The following CLASP2 variants were observed in gnomAD, a reference collection of about 807,000 sequenced individuals.
The protein encoded by CLASP2 is cytoplasmic linker associated protein 2.
Under a neutral mutation model 194.4 loss-of-function variants are expected in CLASP2, and 47 were observed. The observed-to-expected ratio is 0.24, with a 90% CI of 0.19 to 0.31. The LOEUF (loss-of-function observed/expected upper bound fraction) is 0.31. CLASP2 is among the 10% of genes least tolerant of loss of function. The pLI, the probability that CLASP2 is intolerant of heterozygous loss-of-function variation, is 1.00. For missense variants in CLASP2, 1,445 were observed against 1,823.6 expected (o/e 0.79, Z 3.78); for synonymous variants, 619 against 633.5 (o/e 0.98, Z 0.34).
At chr3:33,536,897 C>T (rs567997674) in intron 33 of CLASP2, among the ~76,000 whole-genome samples, 2 of 152,192 alleles carry the variant, frequency 1.3e-5, no homozygotes, top group South Asian at 2.1e-4. Context: ...ACTAGGGTTG[C>T]CATTAACTAA....
At chr3:33,651,099 A>G (rs1189861717) in intron 7 of CLASP2, among the ~76,000 whole-genome samples, 1 of 152,130 alleles carries the variant, frequency 6.6e-6, no homozygotes, top group Non-Finnish European at 1.5e-5. Flanking sequence ...TGGCAAAAAC[A>G]TGGCTGGGCG....
intron 23 of CLASP2, among the ~76,000 whole-genome samples, chr3:33,580,164 T>A (rs990914738): frequency 2.0e-5 from 3 of 152,134 alleles, no homozygotes; most frequent in African/African-American, 7.2e-5. Flanking sequence ...CAAACAAGGG[T>A]TGGGCATATT....
intron 33 of CLASP2, among the ~76,000 whole-genome samples, 196 bp downstream of exon 33, chr3:33,538,593 T>C (rs765054799): frequency 7.9e-5 from 12 of 152,194 alleles, no homozygotes; most frequent in Admixed American, 1.3e-4. Context: ...TAAAAGGAAT[T>C]TGAAGGCAGT....
rs2045954958 is a variant in CLASP2, at chr3:33,497,561, G to C, written c.*1070C>G. The C allele has an allele frequency of 6.6e-6, 1 of 152,542 alleles. No individual in the cohort carries two copies. Among genetic ancestry groups the C allele is most frequent in the Non-Finnish European group, 1.5e-5 (1 of 68,020 alleles). The allele number at this position is 152,542 out of a possible 1,614,324, so 9.4% of individuals were successfully genotyped here. A position where few individuals can be genotyped will look rare whatever the true frequency, so the allele number is the denominator to read the frequency against. ...TTAGCCCTGAAGAGGTAGAGAATTT[G>C]AGCCCATTATACAAAGACAGCCTTG... On this transcript the variant is annotated 3_prime_UTR_variant, in exon 39 of 39. Transcript: ENST00000682230.
At chr3:33,683,931 C>CAAAAA (rs35349805) in intron 6 of CLASP2, among the ~76,000 whole-genome samples, 6 of 78,876 alleles carry the variant, frequency 7.6e-5, no homozygotes, top group Non-Finnish European at 1.2e-4. Context: ...GACTCTGTCT[C>CAAAAA]AAAAAAAAAA....
chr3:33,677,905 G>A (rs1161795932), intron 6 of CLASP2, among the ~76,000 whole-genome samples: 3 of 127,822 alleles, frequency 2.3e-5, no homozygotes, highest in East Asian at 4.4e-4. Flanking sequence ...GGTAAGAAGA[G>A]AGAAAGAAAT....
Position 33,708,561 on chromosome 3 carries a change from T to C in CLASP2, c.195+9247A>G, listed in dbSNP as rs374911286. 1.9e-3 allele frequency among the ~76,000 whole-genome samples: 239 copies of C among 126,760 alleles called. No homozygotes were observed. The Middle Eastern group carries it at 0.02, about 11-fold the overall frequency. The allele number at this position is 126,760 out of a possible 152,430, so 83.2% of individuals were successfully genotyped here. ...GTATATATGTATATATATATATATA[T>C]ACATACACACACACACACACCCCCC... is the stretch of plus-strand genomic sequence containing the variant. On this transcript the variant is annotated intron_variant, in intron 1 of 38. Transcript: ENST00000682230.
rs1266256940 is a variant in CLASP2, at chr3:33,619,757, A to G, written c.1182-19T>C. The G allele has an allele frequency of 2.6e-6, 4 of 1,555,034 alleles. No individual in the cohort carries two copies. Among genetic ancestry groups the G allele is most frequent in the Non-Finnish European group, 3.5e-6 (4 of 1,152,432 alleles). ...AAGGTGGCTACAAAGGAAGACAAAA[A>G]GTATTTTTTAATAGTTTAACATTAA... is the stretch of plus-strand genomic sequence containing the variant. On this transcript the variant is annotated intron_variant, in intron 11 of 38. Transcript: ENST00000682230.
chr3:33,659,423 C>A, intron 7 of CLASP2: 1 of 1,004,042 alleles, frequency 1.0e-6, no homozygotes, highest in Non-Finnish European at 1.2e-6. Context: ...CTAAAGATAT[C>A]CATGTAATCA....
At chr3:33,712,695 G>A (rs983985347) in intron 1 of CLASP2, among the ~76,000 whole-genome samples, 3 of 152,152 alleles carry the variant, frequency 2.0e-5, no homozygotes, top group African/African-American at 4.8e-5. Context: ...GGGCACGGTG[G>A]TTCACGCCTG....
chr3:33,507,711 T>C (rs1358814381), intron 37 of CLASP2, among the ~76,000 whole-genome samples: 1 of 152,066 alleles, frequency 6.6e-6, no homozygotes, highest in Non-Finnish European at 1.5e-5. Flanking sequence ...CTCCAACTCC[T>C]GGGCTTAAGC....
At chr3:33,717,454 T>C (rs2093349511) in intron 1 of CLASP2, among the ~76,000 whole-genome samples, 1 of 151,726 alleles carries the variant, frequency 6.6e-6, no homozygotes, top group African/African-American at 2.4e-5. Flanking sequence ...TGAGACAGAG[T>C]CTCACTCTGT....
At chr3:33,668,919 C>G (rs935719152) in intron 6 of CLASP2, among the ~76,000 whole-genome samples, 4 of 152,162 alleles carry the variant, frequency 2.6e-5, no homozygotes, top group African/African-American at 9.7e-5. Context: ...GTAAGAATGG[C>G]TAGGGGTAAT....
At chr3:33,643,799 C>G (rs2081785971) in intron 8 of CLASP2, among the ~76,000 whole-genome samples, 1 of 151,828 alleles carries the variant, frequency 6.6e-6, no homozygotes, top group Admixed American at 6.6e-5. Flanking sequence ...CCTTATGGAA[C>G]CTGGTCAAAA....
At chr3:33,570,537 T>C (rs2063537103) in intron 26 of CLASP2, among the ~76,000 whole-genome samples, 190 bp downstream of exon 26, 1 of 152,182 alleles carries the variant, frequency 6.6e-6, no homozygotes, top group Non-Finnish European at 1.5e-5. Context: ...CCATCTATCA[T>C]TGGAGAAGCT....
At chr3:33,635,902 T>C (rs568001590) in intron 8 of CLASP2, among the ~76,000 whole-genome samples, 43 of 151,850 alleles carry the variant, frequency 2.8e-4, no homozygotes, top group Admixed American at 5.2e-4. Context: ...CAAATAACAC[T>C]TCAAATTTCA....
intron 34 of CLASP2, among the ~76,000 whole-genome samples, chr3:33,528,489 T>C (rs2055231325): frequency 6.6e-6 from 1 of 152,102 alleles, no homozygotes; most frequent in Non-Finnish European, 1.5e-5. Flanking sequence ...AGGTCAGGCA[T>C]GGTGGCTCAC....
chr3:33,625,056 C>T (rs1167906005), intron 10 of CLASP2, among the ~76,000 whole-genome samples: 1 of 151,898 alleles, frequency 6.6e-6, no homozygotes, highest in African/African-American at 2.4e-5. Flanking sequence ...ATTTTAAAAT[C>T]TAACCTACAA....
intron 18 of CLASP2, among the ~76,000 whole-genome samples, chr3:33,598,368 C>G (rs1323409192): frequency 6.6e-6 from 1 of 152,102 alleles, no homozygotes; most frequent in African/African-American, 2.4e-5. Context: ...TCCAAAATAT[C>G]GTATCTGATA....
Sources: allele counts gnomAD v4.1 joint callset (sites outside exome capture counted in the v4.1 genomes callset), GRCh38; gene constraint gnomAD v4.1.1; transcripts MANE v1.5; gene names NCBI Gene and HGNC (gene_info 2026-07-23, HGNC 2026-07-21).